CHD4: variants seen among roughly 807,000 people sequenced by gnomAD.
The protein encoded by CHD4 is ATP-dependent chromatin remodeler CHD4.
In CHD4, 35 loss-of-function variants were observed where a neutral mutation model predicts 235.5. That is an observed-to-expected ratio of 0.15 (90% CI 0.11 to 0.20). CHD4 has a LOEUF of 0.20. CHD4 is among the 10% of genes least tolerant of loss of function. The pLI, the probability that CHD4 is intolerant of heterozygous loss-of-function variation, is 1.00. For synonymous variants in CHD4, 900 were observed against 850.2 expected (o/e 1.06, Z -1.02); for missense variants, 1,329 against 2,432.3 (o/e 0.55, Z 9.54).
chr12:6,579,799 G>A (rs1948144666), intron 33 of CHD4, among the ~76,000 whole-genome samples: 1 of 149,252 alleles, frequency 6.7e-6, no homozygotes, highest in Admixed American at 6.7e-5. Flanking sequence ...GCTCACGCCT[G>A]TAATCCCCGC....
intron 29 of CHD4, 52 bp downstream of exon 29, chr12:6,582,559 CAGAT>C (rs1948213308): frequency 2.6e-6 from 4 of 1,554,878 alleles, no homozygotes; most frequent in African/African-American, 1.4e-5. Flanking sequence ...ATGGAATGAC[CAGAT>C]AGATAGCAGA....
chr12:6,604,700 G>A (rs1948659836), intron 2 of CHD4, among the ~76,000 whole-genome samples: 1 of 152,120 alleles, frequency 6.6e-6, no homozygotes, highest in Non-Finnish European at 1.5e-5. Context: ...CAAATAATAT[G>A]CTGAAATGGC....
intron 37 of CHD4, among the ~76,000 whole-genome samples, chr12:6,575,132 A>G (rs1325932902): frequency 1.3e-5 from 2 of 152,194 alleles, no homozygotes. Flanking sequence ...ATGTCCCACA[A>G]AGGGACTATC....
chr12:6,603,430 A>G (rs1948632966), intron 2 of CHD4, among the ~76,000 whole-genome samples: 1 of 152,030 alleles, frequency 6.6e-6, no homozygotes, highest in East Asian at 1.9e-4. Context: ...AGTGGAGAGA[A>G]GAAGGGAGTG....
chr12:6,605,297 A>C (rs1198327675), intron 2 of CHD4, among the ~76,000 whole-genome samples: 2 of 152,212 alleles, frequency 1.3e-5, no homozygotes, highest in Non-Finnish European at 2.9e-5. Flanking sequence ...AAAAAAAATT[A>C]AACTAGAAAA....
rs1948529624 is a variant in CHD4, at chr12:6,598,037, T to C, written c.1749A>G (p.Pro583=). The C allele has an allele frequency of 1.2e-6, 2 of 1,614,206 alleles. No homozygotes were observed. The highest frequency in any genetic ancestry group is 2.2e-5 in the South Asian group (2 of 91,090). Residue 583 remains proline (P), a synonymous_variant, in exon 12 of 40, where the codon CCA becomes CCG. Transcript: ENST00000544040. ...CATCACCACCAAAGTCCCCAGAAGG[T>C]GGCTCATCCATATCATTCTTCCGCT... ...NYQRKNDMDE[P]PSGDFGGDEE...
At chr12:6,606,068 G>A (rs1019018979) in intron 2 of CHD4, among the ~76,000 whole-genome samples, 3 of 152,226 alleles carry the variant, frequency 2.0e-5, no homozygotes, top group Admixed American at 2.0e-4. Context: ...AGTGCAGCAA[G>A]CTGGCATCTC....
At chr12:6,596,330 A>T (rs1193839213) in intron 12 of CHD4, among the ~76,000 whole-genome samples, 193 bp from the exon 13 acceptor site, 1 of 152,222 alleles carries the variant, frequency 6.6e-6, no homozygotes, top group Non-Finnish European at 1.5e-5. Flanking sequence ...GAGCTCAAAC[A>T]CCAGAATTCA....
intron 19 of CHD4, among the ~76,000 whole-genome samples, 154 bp from the exon 20 acceptor site, chr12:6,592,211 A>C (rs2136214109): frequency 6.6e-6 from 1 of 152,384 alleles, no homozygotes; most frequent in South Asian, 2.1e-4. Flanking sequence ...CATTTTAAAT[A>C]AGGAAAGGTA....
In CHD4 at chr12:6,570,860, T is replaced by C. The variant is rs1344649331; in HGVS notation, c.5721+9A>G. ...GGAAGAGGTGGTGTCAAGAAGAAAA[T>C]GGTCCTACCTGCTGTGGGGTAGGTT... is the stretch of plus-strand genomic sequence containing the variant. On this transcript the variant is annotated intron_variant, in intron 39 of 39. Coordinates refer to ENST00000544040, the MANE Select transcript of CHD4 (RefSeq NM_001273.5). 4 of 1,613,742 alleles carry C rather than the reference T, an allele frequency of 2.5e-6. No homozygotes were observed. The highest frequency in any genetic ancestry group is 1.7e-5 in the Admixed American group (1 of 59,976).
intron 3 of CHD4, 56 bp downstream of exon 3, chr12:6,602,320 C>A: frequency 1.2e-6 from 2 of 1,609,722 alleles, no homozygotes; most frequent in Non-Finnish European, 1.7e-6. Flanking sequence ...TTCAACCCTT[C>A]TCAGAGCTCC....
intron 2 of CHD4, among the ~76,000 whole-genome samples, chr12:6,604,413 G>C (rs1318778411): frequency 6.6e-6 from 1 of 152,126 alleles, no homozygotes; most frequent in Non-Finnish European, 1.5e-5. Flanking sequence ...CATTAGGCTG[G>C]ACAAAGCACC....
Position 6,597,895 on chromosome 12 carries a change from T to C in CHD4, c.1891A>G (p.Ser631Gly). The C allele has an allele frequency of 1.2e-6, 2 of 1,614,056 alleles. No individual in the cohort carries two copies. The highest frequency in any genetic ancestry group is 1.7e-6 in the Non-Finnish European group (2 of 1,179,880). The change falls in exon 12 of 40, where the codon AGT (serine) becomes GGT (glycine). Residue 631 changes from serine (S) to glycine (G), a missense_variant and splice_region_variant. By Grantham distance (56) the Ser-to-Gly change is moderately conservative (BLOSUM62 0). Coordinates refer to ENST00000544040, the MANE Select transcript of CHD4 (RefSeq NM_001273.5). ...GTCTCCCGTGTGCTCAGCTGGTACC[T>C]GTGGTTGAGGATTCGGTGGATCATC... ...WMMIHRILNH[S>G]VDKKGHVHYL... is the part of the protein sequence containing the mutation.
rs1428899806 is a variant in CHD4, at chr12:6,598,014, T to C, written c.1772A>G (p.Asp591Gly). The C allele has an allele frequency of 1.9e-6, 3 of 1,614,230 alleles. No individual in the cohort carries two copies. In the Admixed American group the frequency reaches 5.0e-5, roughly 27 times the overall value. ...CTTTCGCTTTCGGCTTTTCTCTTCA[T>C]CACCACCAAAGTCCCCAGAAGGTGG... ...DEPPSGDFGG[D>G]EEKSRKRKNK... Residue 591 changes from aspartate (D) to glycine (G), a missense_variant, in exon 12 of 40, where the codon GAT (aspartate) becomes GGT (glycine). By Grantham distance (94) the Asp-to-Gly change is moderately conservative. This residue lies in a region of CHD4 where 121 missense variants were observed against 177.8 expected (regional missense o/e 0.68). Coordinates refer to ENST00000544040, the MANE Select transcript of CHD4 (RefSeq NM_001273.5).
chr12:6,574,654 T>C (rs6489723), intron 37 of CHD4, among the ~76,000 whole-genome samples: 86 of 152,270 alleles, frequency 5.6e-4, no homozygotes, highest in African/African-American at 2.0e-3. Context: ...ATCCCACTAG[T>C]GTATGGTGAT....
At position 6,593,371 on chromosome 12, in the gene CHD4, A is replaced by C. The variant is rs200573419; in HGVS notation, c.2514+45T>G. On this transcript the variant is annotated intron_variant, in intron 16 of 39. Coordinates refer to ENST00000544040, the MANE Select transcript of CHD4 (RefSeq NM_001273.5). The surrounding 1 kb of genome is among the most constrained non-coding windows in gnomAD (Gnocchi z 4.9). ...ATCACAAGGAGGTAAACTAAGCCAG[A>C]AGCCACAACTCTTTCTCTAGGGTGG... is the stretch of plus-strand genomic sequence containing the variant. 1.2e-6 allele frequency: 2 copies of C among 1,607,184 alleles called. No homozygotes were observed. The highest frequency in any genetic ancestry group is 1.7e-6 in the Non-Finnish European group (2 of 1,174,564).
rs749625632 is a variant in CHD4, at chr12:6,578,491, G to A, written c.5037C>T (p.Thr1679=). The A allele has an allele frequency of 6.2e-7, 1 of 1,613,616 alleles. No homozygotes were observed. The highest frequency in any genetic ancestry group is 8.5e-7 in the Non-Finnish European group (1 of 1,179,926). The part of the protein sequence containing the change: ...KKEVMLQNGE[T]PKDLNDEKQK... Reference sequence around the variant, plus strand: ...GTTTCTCATCATTCAGGTCCTTGGGGGTCTCTCCATTCTGAAGCATCACCT... The same window carrying A: ...GTTTCTCATCATTCAGGTCCTTGGGAGTCTCTCCATTCTGAAGCATCACCT... The change falls in exon 35 of 40, where the codon ACC becomes ACT. Residue 1679 remains threonine, a synonymous_variant. Transcript: ENST00000544040.
At chr12:6,599,634 A>G (rs1022460978) in intron 10 of CHD4, 139 bp downstream of exon 10, 6 of 1,060,940 alleles carry the variant, frequency 5.7e-6, no homozygotes, top group Non-Finnish European at 8.1e-6. Context: ...AAGTATCCCA[A>G]CACTATAGGA....
At chr12:6,591,213 G>A (rs758972353) in intron 22 of CHD4, 1 of 322,744 alleles carries the variant, frequency 3.1e-6, no homozygotes, top group Non-Finnish European at 5.7e-6. Context: ...GCTTGAACAA[G>A]TCCTGACCCT....
Sources: allele counts gnomAD v4.1 joint callset (sites outside exome capture counted in the v4.1 genomes callset), GRCh38; gene constraint gnomAD v4.1.1; regional missense constraint gnomAD v4.1.1; non-coding constraint Gnocchi (gnomAD v3.1); transcripts MANE v1.5; gene names NCBI Gene and HGNC (gene_info 2026-07-23, HGNC 2026-07-21).